The following TENM2 variants were observed in gnomAD, a reference collection of about 807,000 sequenced individuals.
The protein encoded by TENM2 is teneurin-2.
A neutral mutation model predicts 245.2 loss-of-function variants in TENM2; 52 were observed. That is an observed-to-expected ratio of 0.21 (90% CI 0.17 to 0.27). TENM2 has a LOEUF of 0.27. Among genes scored for constraint, TENM2 ranks in the 10% least tolerant of loss-of-function variants. TENM2 has a pLI of 1.00. For synonymous variants in TENM2, 1,363 were observed against 1,438.9 expected, an observed-to-expected ratio of 0.95 and a Z score of 1.19; for missense variants, 3,046 against 3,666.8, an observed-to-expected ratio of 0.83 and a Z score of 4.37.
At chr5:167,145,033 A>G in the TENM2 span, among the ~76,000 whole-genome samples, 1 of 152,106 alleles carries the variant, frequency 6.6e-6, no homozygotes, top group Non-Finnish European at 1.5e-5. Context: ...CATCCGTCCA[A>G]TCTCCGCTTT....
the TENM2 span, among the ~76,000 whole-genome samples, chr5:167,193,007 G>A: frequency 6.6e-6 from 1 of 152,010 alleles, no homozygotes. Flanking sequence ...TATGAATAAT[G>A]AAAAATACCT....
the TENM2 span, among the ~76,000 whole-genome samples, chr5:167,144,401 C>A: frequency 6.6e-6 from 1 of 152,156 alleles, no homozygotes; most frequent in Non-Finnish European, 1.5e-5. Flanking sequence ...AAGGAAGCCC[C>A]GGTGCTTTGT....
chr5:168,022,394 G>C (rs960990037), intron 5 of TENM2, among the ~76,000 whole-genome samples: 1 of 152,252 alleles, frequency 6.6e-6, no homozygotes, highest in Non-Finnish European at 1.5e-5. Context: ...CTTAAAAACA[G>C]TTTTCAACGA....
chr5:167,311,519 A>G (rs564282755), intron 1 of TENM2, among the ~76,000 whole-genome samples: 7 of 152,326 alleles, frequency 4.6e-5, no homozygotes, highest in African/African-American at 1.7e-4. Flanking sequence ...TTTCTTTAAC[A>G]ATGATGTGGC....
At chr5:167,332,767 T>C (rs929139283) in intron 1 of TENM2, among the ~76,000 whole-genome samples, 6 of 152,222 alleles carry the variant, frequency 3.9e-5, no homozygotes, top group East Asian at 1.9e-4. Flanking sequence ...TGAGTACTTA[T>C]GAATAGTCTT....
intron 2 of TENM2, among the ~76,000 whole-genome samples, chr5:167,529,255 A>G (rs77937071): frequency 0.021 from 3,226 of 152,256 alleles, 137 homozygotes; most frequent in African/African-American, 0.074. Flanking sequence ...TTTCTGTTCA[A>G]TTGCAGCCCC....
the TENM2 span, among the ~76,000 whole-genome samples, chr5:167,237,578 G>A: frequency 6.6e-6 from 1 of 152,252 alleles, no homozygotes; most frequent in Middle Eastern, 3.4e-3. Flanking sequence ...TTAAAAGAAA[G>A]AATATTGTCC....
At chr5:167,687,665 T>TA (rs549010439) in intron 2 of TENM2, among the ~76,000 whole-genome samples, 12 of 150,528 alleles carry the variant, frequency 8.0e-5, no homozygotes, top group East Asian at 5.8e-4. Flanking sequence ...GTTTAAAACT[T>TA]AAAAAAAAAA....
intron 2 of TENM2, among the ~76,000 whole-genome samples, chr5:167,609,577 C>T (rs147853974): frequency 0.01 from 1,469 of 143,744 alleles, 9 homozygotes; most frequent in Middle Eastern, 0.027. Context: ...GGGTTTGGAA[C>T]TTCCAACAGA....
intron 27 of TENM2, among the ~76,000 whole-genome samples, chr5:168,259,143 A>G (rs541320497): frequency 1.3e-5 from 2 of 152,190 alleles, no homozygotes; most frequent in Admixed American, 6.5e-5. Context: ...GTGTGGAAGG[A>G]GTCTTTTTCT....
At chr5:167,103,544 A>G in the TENM2 span, among the ~76,000 whole-genome samples, 1 of 152,214 alleles carries the variant, frequency 6.6e-6, no homozygotes, top group African/African-American at 2.4e-5. Context: ...CATCTGAATT[A>G]TCGCTAGAAT....
At chr5:168,260,072 G>A (rs926145374) in intron 27 of TENM2, among the ~76,000 whole-genome samples, 5 of 152,134 alleles carry the variant, frequency 3.3e-5, no homozygotes, top group Non-Finnish European at 5.9e-5. Context: ...ACCACATGGT[G>A]GTTATCAACT....
At chr5:168,074,707 C>A (rs1791312678) in intron 7 of TENM2, among the ~76,000 whole-genome samples, 2 of 152,154 alleles carry the variant, frequency 1.3e-5, no homozygotes, top group African/African-American at 4.8e-5. Flanking sequence ...CTCCCTCAGC[C>A]CTGTCAAGCT....
chr5:168,114,215 A>T (rs1444478909), intron 9 of TENM2, among the ~76,000 whole-genome samples: 1 of 152,144 alleles, frequency 6.6e-6, no homozygotes, highest in Non-Finnish European at 1.5e-5. Flanking sequence ...CTGAAAGGCC[A>T]TTTTTTGAAG....
the TENM2 span, among the ~76,000 whole-genome samples, chr5:166,980,711 A>G: frequency 6.6e-6 from 1 of 152,182 alleles, no homozygotes; most frequent in Non-Finnish European, 1.5e-5. Flanking sequence ...AAATGAACTA[A>G]TATAATGGCA....
intron 2 of TENM2, among the ~76,000 whole-genome samples, chr5:167,726,624 A>G (rs893919297): frequency 6.6e-6 from 1 of 151,996 alleles, no homozygotes. Context: ...ACACCTAGCT[A>G]ACTTTTTTAT....
chr5:168,002,039 C>T (rs753673430), intron 5 of TENM2, among the ~76,000 whole-genome samples: 34 of 152,284 alleles, frequency 2.2e-4, no homozygotes, highest in Middle Eastern at 3.4e-3. Context: ...AAATATTATC[C>T]TCCCTTCTGG....
At chr5:167,526,360 GCACACACA>G (rs72349867) in intron 2 of TENM2, among the ~76,000 whole-genome samples, 13 of 144,048 alleles carry the variant, frequency 9.0e-5, no homozygotes, top group South Asian at 2.2e-4. Flanking sequence ...TTAAGAAATA[GCACACACA>G]CACACACACA....
At chr5:167,095,034 G>T in the TENM2 span, among the ~76,000 whole-genome samples, 2 of 152,098 alleles carry the variant, frequency 1.3e-5, no homozygotes, top group African/African-American at 4.8e-5. Flanking sequence ...GGTTAGAAAA[G>T]TACATTATGT....
Sources: gnomAD v4.1 joint callset for allele counts (sites outside exome capture counted in the v4.1 genomes callset) on GRCh38, gnomAD v4.1.1 for gene constraint, MANE v1.5 for transcripts, NCBI Gene and HGNC (gene_info 2026-07-23, HGNC 2026-07-21) for gene names.